The following FARP1 variants were observed in gnomAD, a reference collection of about 807,000 sequenced individuals.
FARP1 encodes the protein FERM, ARHGEF and pleckstrin domain-containing protein 1.
A neutral mutation model predicts 128.8 loss-of-function variants in FARP1; 52 were observed. The ratio of observed to expected loss-of-function variants is 0.40; its 90% CI spans 0.32 to 0.51. The LOEUF is 0.51. Among genes scored for constraint, FARP1 ranks in the 20% least tolerant of loss-of-function variants. The pLI is 0.45. For missense variants in FARP1, 1,333 were observed against 1,367.9 expected (o/e 0.97, Z 0.40); for synonymous variants, 580 against 551.8 (o/e 1.05, Z -0.72).
At chr13:98,381,182 G>A in intron 6 of FARP1, among the ~76,000 whole-genome samples, 1 of 152,128 alleles carries the variant, frequency 6.6e-6, no homozygotes, top group East Asian at 1.9e-4. Context: ...TATGTGTAAG[G>A]CCCCATTTCT....
At chr13:98,168,311 G>C (rs1386323579) in intron 1 of FARP1, among the ~76,000 whole-genome samples, 2 of 151,930 alleles carry the variant, frequency 1.3e-5, no homozygotes, top group African/African-American at 4.8e-5. Context: ...TTCCTTTATC[G>C]CTGAGTTTTG....
At chr13:98,213,190 T>C (rs1880835399) in intron 1 of FARP1, 30 bp from the exon 2 acceptor site, 2 of 1,571,536 alleles carry the variant, frequency 1.3e-6, no homozygotes, top group Non-Finnish European at 1.7e-6. Context: ...CCTATTCTGA[T>C]GTGTTTTTCT....
At chr13:98,389,866 C>T (rs760185277) in intron 9 of FARP1, 91 bp from the exon 10 acceptor site, 66 of 1,283,310 alleles carry the variant, frequency 5.1e-5, no homozygotes, top group Non-Finnish European at 6.8e-5. Context: ...AAAACTTTAT[C>T]GGACAAAGCT....
chr13:98,407,393 C>G (rs1184934698), intron 13 of FARP1: 1 of 151,706 alleles, frequency 6.6e-6, no homozygotes, highest in Admixed American at 6.6e-5. Flanking sequence ...AACTGCAGTT[C>G]TAACTCATTG....
At chr13:98,175,984 C>T (rs1566699921) in intron 1 of FARP1, 2 of 630,548 alleles carry the variant, frequency 3.2e-6, no homozygotes, top group Admixed American at 6.0e-5. Context: ...GTTGTTTACA[C>T]CTCTTGGCTT....
intron 2 of FARP1, among the ~76,000 whole-genome samples, chr13:98,254,489 G>A (rs1374907009): frequency 6.6e-6 from 1 of 152,116 alleles, no homozygotes; most frequent in Non-Finnish European, 1.5e-5. Flanking sequence ...ATAAAAAGTG[G>A]GTATTCTATC....
intron 26 of FARP1, 53 bp from the exon 27 acceptor site, chr13:98,448,183 G>A: frequency 6.1e-6 from 9 of 1,472,662 alleles, no homozygotes; most frequent in African/African-American, 1.4e-5. Context: ...CCACCAAAGT[G>A]TCAGGAGTCC....
At chr13:98,432,708 A>G (rs9517293) in intron 18 of FARP1, 51,149 of 152,198 alleles carry the variant, frequency 0.34, 9,135 homozygotes, top group Middle Eastern at 0.4. Context: ...TCAGGCTAAA[A>G]TCGGAAGTCT....
chr13:98,221,575 C>T (rs142069263), intron 2 of FARP1, among the ~76,000 whole-genome samples: 9 of 152,344 alleles, frequency 5.9e-5, no homozygotes, highest in African/African-American at 2.4e-5. Context: ...TGTGGACTTA[C>T]GTGCAGCTTC....
At chr13:98,286,679 A>G (rs1885185717) in intron 2 of FARP1, among the ~76,000 whole-genome samples, 1 of 152,192 alleles carries the variant, frequency 6.6e-6, no homozygotes, top group African/African-American at 2.4e-5. Context: ...AAAATGGACT[A>G]AAACACCCCT....
intron 2 of FARP1, among the ~76,000 whole-genome samples, chr13:98,325,228 G>C (rs1887179643): frequency 6.6e-6 from 1 of 151,222 alleles, no homozygotes; most frequent in South Asian, 2.1e-4. Flanking sequence ...ATCTTTCCAT[G>C]AGTATTGAAA....
At chr13:98,409,557 G>C (rs777776626) in intron 14 of FARP1, 32 bp downstream of exon 14, 44 of 1,548,898 alleles carry the variant, frequency 2.8e-5, no homozygotes, top group Non-Finnish European at 3.9e-5. Flanking sequence ...CGCGTGTGTG[G>C]CTGTGTGTGC....
At chr13:98,189,093 C>T (rs930118134) in intron 1 of FARP1, among the ~76,000 whole-genome samples, 2 of 152,208 alleles carry the variant, frequency 1.3e-5, no homozygotes, top group East Asian at 1.9e-4. Context: ...GTGAATGGCC[C>T]GGGCTGGGTT....
intron 11 of FARP1, among the ~76,000 whole-genome samples, chr13:98,391,874 C>A (rs1293172181): frequency 1.3e-5 from 2 of 152,164 alleles, no homozygotes. Flanking sequence ...GGAGGATAGG[C>A]CTCAAGAACT....
At chr13:98,380,627 G>A (rs148354121) in intron 6 of FARP1, among the ~76,000 whole-genome samples, 315 of 152,076 alleles carry the variant, frequency 2.1e-3, no homozygotes, top group African/African-American at 6.9e-3. Context: ...AGATTGGAGC[G>A]TAGTCTCTCA....
At chr13:98,197,801 A>AT (rs1340328470) in intron 1 of FARP1, among the ~76,000 whole-genome samples, 1 of 151,684 alleles carries the variant, frequency 6.6e-6, no homozygotes, top group Non-Finnish European at 1.5e-5. Context: ...CGCCCGGCTA[A>AT]TTTTTTGTAC....
At position 98,176,583 on chromosome 13, in the gene FARP1, G is replaced by GT. The variant is rs1878055847; in HGVS notation, c.-24+33091_-24+33092insT. ...CAATCTCCCACCCGAGCTTGTAATC[G>GT]GAACGGTCGTGGAGGAATTTGCAGC... On this transcript the variant is annotated intron_variant, in intron 1 of 26. Transcript: ENST00000319562. This position sits in a 1 kb window ranked among gnomAD's most constrained non-coding sequence, Gnocchi z 6.2. The GT allele has an allele frequency of 6.2e-7, 1 of 1,614,086 alleles. No homozygotes were observed. Among genetic ancestry groups the GT allele is most frequent in the Non-Finnish European group, 8.5e-7 (1 of 1,180,054 alleles).
chr13:98,327,726 G>A (rs1012169823), intron 2 of FARP1, among the ~76,000 whole-genome samples: 9 of 152,180 alleles, frequency 5.9e-5, no homozygotes, highest in Admixed American at 1.3e-4. Flanking sequence ...CTCTGGACAC[G>A]TTTCTGTTGT....
chr13:98,421,647 C>T (rs1284887889), intron 16 of FARP1, among the ~76,000 whole-genome samples: 1 of 152,102 alleles, frequency 6.6e-6, no homozygotes, highest in Non-Finnish European at 1.5e-5. Context: ...CGCTTGAGTC[C>T]AGGAATTCAA....
Sources: gnomAD v4.1 joint callset for allele counts (sites outside exome capture counted in the v4.1 genomes callset) on GRCh38, gnomAD v4.1.1 for gene constraint, Gnocchi (gnomAD v3.1) non-coding constraint, MANE v1.5 for transcripts, NCBI Gene and HGNC (gene_info 2026-07-23, HGNC 2026-07-21) for gene names.